The following AMPH variants were observed in gnomAD, a reference collection of about 807,000 sequenced individuals.
AMPH encodes the protein amphiphysin, also known as amphiphysin (Stiff-Mann syndrome with breast cancer 128kD autoantigen).
A neutral mutation model predicts 99.1 loss-of-function variants in AMPH; 49 were observed. The observed-to-expected ratio is 0.49, with a 90% confidence interval of 0.39 to 0.63. The LOEUF is 0.63. Ranked by LOEUF, AMPH falls within the 20% of genes least tolerant of loss-of-function variation. AMPH has a pLI of 0.00. For missense variants in AMPH, 759 were observed against 863.4 expected, an observed-to-expected ratio of 0.88 and a Z score of 1.52; for synonymous variants, 314 against 317.3, an observed-to-expected ratio of 0.99 and a Z score of 0.11.
chr7:38,422,869 C>G (rs1785640150), intron 15 of AMPH, among the ~76,000 whole-genome samples: 1 of 152,236 alleles, frequency 6.6e-6, no homozygotes. Context: ...AACTGCCGAG[C>G]TTGGCCTCCC....
intron 19 of AMPH, among the ~76,000 whole-genome samples, chr7:38,391,317 T>C (rs1784486559): frequency 6.6e-6 from 1 of 152,222 alleles, no homozygotes; most frequent in African/African-American, 2.4e-5. Flanking sequence ...CAAATATTTA[T>C]GGGCTCCCTA....
At chr7:38,572,695 T>C (rs7792666) in intron 1 of AMPH, among the ~76,000 whole-genome samples, 89 of 152,248 alleles carry the variant, frequency 5.8e-4, no homozygotes, top group African/African-American at 2.0e-3. Flanking sequence ...AGCCACCCAA[T>C]GTGAAGTGGG....
At chr7:38,490,089 T>G (rs781240297) in intron 5 of AMPH, among the ~76,000 whole-genome samples, 1 of 152,142 alleles carries the variant, frequency 6.6e-6, no homozygotes, top group East Asian at 1.9e-4. Context: ...AGGCAAAAAT[T>G]GAGTGACTAA....
chr7:38,472,932 C>G (rs570847779), intron 7 of AMPH, among the ~76,000 whole-genome samples: 1 of 152,224 alleles, frequency 6.6e-6, no homozygotes, highest in East Asian at 1.9e-4. Flanking sequence ...CTTTGAATAA[C>G]CAAATACAAC....
chr7:38,562,339 A>C (rs1456551353), intron 1 of AMPH, among the ~76,000 whole-genome samples: 1 of 152,232 alleles, frequency 6.6e-6, no homozygotes. Flanking sequence ...AGGCCATGCT[A>C]ACTGCTTTAG....
In AMPH at chr7:38,436,343, C is replaced by T. The variant is rs530978593; in HGVS notation, c.1063G>A (p.Asp355Asn). Residue 355 changes from aspartate to asparagine, a missense_variant, in exon 12 of 21, where the codon GAC (aspartate) becomes AAC (asparagine). By Grantham distance (23) the Asp-to-Asn change is conservative. This residue lies in a region of AMPH where 554 missense variants were observed against 575.6 expected (regional missense o/e 0.96). Transcript: ENST00000356264. ...VKKEETLLDLDFDPFKPEVTP... is the reference protein window; with the variant it reads ...VKKEETLLDLNFDPFKPEVTP... Reference sequence around the variant, plus strand: ...ACCTCGGGCTTGAAAGGATCAAAGTCCAGATCCAGCAAAGTCTCCTCTTTC... The same window carrying T: ...ACCTCGGGCTTGAAAGGATCAAAGTTCAGATCCAGCAAAGTCTCCTCTTTC... 6.2e-7 allele frequency: 1 copy of T among 1,614,130 alleles called. No individual in the cohort carries two copies. The highest frequency in any genetic ancestry group is 2.2e-5 in the East Asian group (1 of 44,882).
chr7:38,473,836 A>G (rs1221151951), intron 7 of AMPH, among the ~76,000 whole-genome samples: 1 of 151,764 alleles, frequency 6.6e-6, no homozygotes, highest in Non-Finnish European at 1.5e-5. Context: ...TTTTAAATAA[A>G]TGTGAATAAC....
chr7:38,461,808 T>C (rs1787458351), intron 10 of AMPH, among the ~76,000 whole-genome samples: 1 of 152,248 alleles, frequency 6.6e-6, no homozygotes, highest in Non-Finnish European at 1.5e-5. Context: ...TTTGAATTGG[T>C]GAGACCTACT....
At chr7:38,448,354 T>C (rs1268344691) in intron 11 of AMPH, among the ~76,000 whole-genome samples, 1 of 152,206 alleles carries the variant, frequency 6.6e-6, no homozygotes, top group East Asian at 1.9e-4. Context: ...CTTCCTTATT[T>C]GGAGGAGTTA....
At chr7:38,618,367 C>G (rs1226035249) in intron 1 of AMPH, among the ~76,000 whole-genome samples, 1 of 151,452 alleles carries the variant, frequency 6.6e-6, no homozygotes, top group Non-Finnish European at 1.5e-5. Flanking sequence ...AAAAAATTAG[C>G]CACGCGTGGT....
rs958698272 is a variant in AMPH, at chr7:38,483,417, G to C, written c.397-6448C>G. Among the ~76,000 whole-genome samples the C allele has an allele frequency of 2.6e-5, 4 of 152,106 alleles. No individual in the cohort carries two copies. In the South Asian group the frequency reaches 8.3e-4, roughly 31 times the overall value. ...AACTGAGGGATAAAACAAACAAACA[G>C]TAAAAAACACCCAGTTTCCTGCTTC... is the stretch of plus-strand genomic sequence containing the variant. On this transcript the variant is annotated intron_variant, in intron 5 of 20. Coordinates refer to ENST00000356264, the MANE Select transcript of AMPH (RefSeq NM_001635.4).
intron 17 of AMPH, among the ~76,000 whole-genome samples, chr7:38,394,669 C>A (rs1373289668): frequency 6.6e-6 from 1 of 152,180 alleles, no homozygotes; most frequent in African/African-American, 2.4e-5. Context: ...AAACCACCTT[C>A]CTTTTGTTCC....
At chr7:38,480,580 T>C (rs1024334611) in intron 5 of AMPH, among the ~76,000 whole-genome samples, 7 of 152,120 alleles carry the variant, frequency 4.6e-5, no homozygotes, top group Non-Finnish European at 8.8e-5. Flanking sequence ...TTTGGCTATT[T>C]CTAATTGCTT....
intron 16 of AMPH, chr7:38,420,829 A>C (rs535506168): frequency 2.5e-6 from 1 of 393,586 alleles, no homozygotes; most frequent in South Asian, 1.9e-5. Flanking sequence ...AAAAGGGTTT[A>C]AACCTGTACT....
chr7:38,531,750 AATGCACAAATCCAAAT>A (rs1206015230), intron 2 of AMPH, among the ~76,000 whole-genome samples: 1 of 152,192 alleles, frequency 6.6e-6, no homozygotes, highest in Admixed American at 6.5e-5. Context: ...ACTATAATAC[AATGCACAAATCCAAAT>A]ATGGTTTCAT....
chr7:38,579,091 C>A (rs1353429978), intron 1 of AMPH, among the ~76,000 whole-genome samples: 1 of 152,160 alleles, frequency 6.6e-6, no homozygotes, highest in African/African-American at 2.4e-5. Context: ...TTGGGCTGCC[C>A]CAGGAGTCCC....
At chr7:38,593,670 T>C (rs913195383) in intron 1 of AMPH, among the ~76,000 whole-genome samples, 1 of 152,140 alleles carries the variant, frequency 6.6e-6, no homozygotes, top group African/African-American at 2.4e-5. Context: ...TCAACAAACA[T>C]GTATGGGGCA....
At chr7:38,409,869 C>T (rs926079745) in intron 17 of AMPH, among the ~76,000 whole-genome samples, 3 of 152,176 alleles carry the variant, frequency 2.0e-5, no homozygotes, top group Admixed American at 6.5e-5. Context: ...AATAATAATA[C>T]AGATCAGTAT....
At chr7:38,616,465 T>C (rs956345875) in intron 1 of AMPH, among the ~76,000 whole-genome samples, 3 of 152,222 alleles carry the variant, frequency 2.0e-5, no homozygotes, top group South Asian at 2.1e-4. Flanking sequence ...CCTACCCTAA[T>C]GAATCATTCA....
Sources: gnomAD v4.1 joint callset for allele counts (sites outside exome capture counted in the v4.1 genomes callset) on GRCh38, gnomAD v4.1.1 for gene constraint, gnomAD v4.1.1 regional missense constraint, MANE v1.5 for transcripts, NCBI Gene and HGNC (gene_info 2026-07-23, HGNC 2026-07-21) for gene names.